The following RC3H1 variants were observed in gnomAD, a reference collection of about 807,000 sequenced individuals.
RC3H1 encodes the protein roquin-1.
In RC3H1, 50 loss-of-function variants were observed where a neutral mutation model predicts 138.2. The ratio of observed to expected loss-of-function variants is 0.36; its 90% CI spans 0.29 to 0.46. RC3H1 has a LOEUF of 0.46. Ranked by LOEUF, RC3H1 falls within the 20% of genes least tolerant of loss-of-function variation. The pLI, the probability that RC3H1 is intolerant of heterozygous loss-of-function variation, is 1.00. For missense variants in RC3H1, 1,031 were observed against 1,388.1 expected (o/e 0.74, Z 4.09); for synonymous variants, 462 against 489.1 (o/e 0.94, Z 0.73).
At chr1:173,996,763 C>T (rs934135761) in intron 1 of RC3H1, among the ~76,000 whole-genome samples, 5 of 152,168 alleles carry the variant, frequency 3.3e-5, no homozygotes, top group Non-Finnish European at 7.3e-5. Context: ...TCCATCGCCC[C>T]ATAAAACCCT....
Position 173,946,562 on chromosome 1 carries a change from G to A in RC3H1, c.2875C>T (p.Pro959Ser). The A allele has an allele frequency of 6.2e-7, 1 of 1,614,042 alleles. No individual in the cohort carries two copies. The highest frequency in any genetic ancestry group is 8.5e-7 in the Non-Finnish European group (1 of 1,179,902). ...CGTAGCTGTTCTCTCTCAGCAGATG[G>A]AAGGGGTTTTCCATGACTGGCCACT... ...SEVASHGKPL[P>S]SAEREQLRLE... Residue 959 changes from proline to serine, a missense_variant, in exon 17 of 20, where the codon CCA becomes TCA. By Grantham distance (74) the Pro-to-Ser change is moderately conservative (BLOSUM62 -1). Around this residue, in one of 7 missense-constraint regions of RC3H1, gnomAD observed 716 missense variants for 837.9 expected, o/e 0.85. Transcript: ENST00000367696.
rs1411433923 is a variant in RC3H1 at position 173,934,161 on chromosome 1, TGTAA to T, written c.*4556_*4559del. On this transcript the variant is annotated 3_prime_UTR_variant, in exon 20 of 20. Coordinates refer to ENST00000367696, the MANE Select transcript of RC3H1 (RefSeq NM_172071.4). The stretch of plus-strand genomic sequence containing the variant: ...AGACTGCTACCCACCACCATTTGTA[TGTAA>T]GTGACAGCAACTGAATACTTCTTTA... 1 of 152,196 alleles carries T rather than the reference TGTAA, an allele frequency of 6.6e-6. No homozygotes were observed. Among genetic ancestry groups the T allele is most frequent in the Non-Finnish European group, 1.5e-5 (1 of 68,022 alleles). The allele number at this position is 152,196 out of a possible 1,614,324, so 9.4% of individuals were successfully genotyped here. A position where few individuals can be genotyped will look rare whatever the true frequency, so the allele number is the denominator to read the frequency against.
In RC3H1 at chr1:173,975,624, C is replaced by T. The variant is rs758095280; in HGVS notation, c.1102+2864G>A. On this transcript the variant is annotated intron_variant, in intron 7 of 19. Transcript: ENST00000367696. ...TAAAAATACAGTAAATTTGGCCGGG[C>T]GCGGTGGCTCACGCCTGTAATCCCA... Among the ~76,000 whole-genome samples, 86 of 61,278 alleles carry T rather than the reference C, an allele frequency of 1.4e-3. 12 individuals are homozygous for T. Among genetic ancestry groups the T allele is most frequent in the African/African-American group, 2.7e-3 (5 of 1,876 alleles). 40.2% of individuals were successfully genotyped at this position (61,278 alleles called of 152,430 possible). A position where few individuals can be genotyped will look rare whatever the true frequency, so the allele number is the denominator to read the frequency against.
chr1:173,992,668 C>CAA (rs1661337512), intron 2 of RC3H1, 87 bp downstream of exon 2: 2 of 901,244 alleles, frequency 2.2e-6, no homozygotes, highest in Non-Finnish European at 3.3e-6. Context: ...AAAACACGCA[C>CAA]AACACACACA....
chr1:174,007,888 G>A (rs182316314), intron 1 of RC3H1, among the ~76,000 whole-genome samples: 3 of 152,296 alleles, frequency 2.0e-5, no homozygotes, highest in East Asian at 3.9e-4. Context: ...GAGCAATGAT[G>A]ACTTGTAGAT....
At chr1:174,016,427 T>C (rs1370750942) in intron 1 of RC3H1, among the ~76,000 whole-genome samples, 1 of 147,334 alleles carries the variant, frequency 6.8e-6, no homozygotes, top group Non-Finnish European at 1.5e-5. Context: ...GTTTCCTTTT[T>C]TTTTTTTTTT....
intron 1 of RC3H1, among the ~76,000 whole-genome samples, chr1:174,005,748 A>G (rs1195868889): frequency 2.0e-5 from 3 of 152,126 alleles, no homozygotes; most frequent in Non-Finnish European, 4.4e-5. Context: ...CTTAATTTAA[A>G]CCTATCTAAA....
intron 2 of RC3H1, among the ~76,000 whole-genome samples, chr1:173,985,288 T>C (rs559466851): frequency 2.0e-5 from 3 of 152,332 alleles, no homozygotes; most frequent in Non-Finnish European, 4.4e-5. Context: ...AGTTTTTGTG[T>C]AGACAAAAGT....
intron 12 of RC3H1, 68 bp from the exon 13 acceptor site, chr1:173,961,312 C>T: frequency 8.6e-6 from 12 of 1,390,874 alleles, no homozygotes; most frequent in Non-Finnish European, 1.1e-5. Flanking sequence ...TTAATATACT[C>T]AGCGTATATT....
chr1:173,964,576 A>AG (rs1166910344), intron 10 of RC3H1, among the ~76,000 whole-genome samples: 2 of 152,050 alleles, frequency 1.3e-5, no homozygotes, highest in Non-Finnish European at 2.9e-5. Context: ...CATGTTGGCC[A>AG]GGCTGGTCTC....
intron 11 of RC3H1, 80 bp downstream of exon 11, chr1:173,963,893 G>A (rs1019431396): frequency 1.8e-6 from 2 of 1,141,686 alleles, no homozygotes; most frequent in African/African-American, 1.5e-5. Flanking sequence ...AGAGGCTACT[G>A]TGTAAATGAT....
intron 1 of RC3H1, among the ~76,000 whole-genome samples, chr1:174,007,282 C>G (rs1236429730): frequency 6.6e-6 from 1 of 151,236 alleles, no homozygotes; most frequent in East Asian, 1.9e-4. Flanking sequence ...CCCAGCTACT[C>G]GGGAGGCTGA....
chr1:173,987,806 A>G (rs1255486265), intron 2 of RC3H1, among the ~76,000 whole-genome samples: 1 of 152,162 alleles, frequency 6.6e-6, no homozygotes, highest in Non-Finnish European at 1.5e-5. Context: ...ATCTGTATCC[A>G]TATCAAGCTA....
At chr1:173,989,948 G>A (rs1200677397) in intron 2 of RC3H1, among the ~76,000 whole-genome samples, 1 of 149,506 alleles carries the variant, frequency 6.7e-6, no homozygotes, top group African/African-American at 2.5e-5. Flanking sequence ...GGATGGTCTC[G>A]ATCTCCTGAC....
intron 1 of RC3H1, among the ~76,000 whole-genome samples, chr1:174,004,039 TTATATA>T (rs948352565): frequency 6.8e-6 from 1 of 147,914 alleles, no homozygotes; most frequent in Non-Finnish European, 1.5e-5. Context: ...TAAAATTATT[TTATATA>T]TATGATATAT....
At chr1:173,957,063 A>AGCTGTAATC (rs1328685241) in intron 13 of RC3H1, among the ~76,000 whole-genome samples, 1 of 151,990 alleles carries the variant, frequency 6.6e-6, no homozygotes, top group Non-Finnish European at 1.5e-5. Flanking sequence ...ACAGGCGCCC[A>AGCTGTAATC]CCATCATGCC....
chr1:174,022,337 G>A lies in RC3H1; in HGVS notation c.-392C>T, dbSNP rs1289248230. On this transcript the variant is annotated 5_prime_UTR_variant, in exon 1 of 20. Transcript: ENST00000367696. This position sits in a 1 kb window ranked among gnomAD's most constrained non-coding sequence, Gnocchi z 4.2. ...CTCCTCTTCCTCCTCCTCGTCCTCCGCCGCCCAGTCGCTCGTTGTCCTCGT... is the reference window on the plus strand; with the variant it reads ...CTCCTCTTCCTCCTCCTCGTCCTCCACCGCCCAGTCGCTCGTTGTCCTCGT... The A allele has an allele frequency of 7.9e-6, 3 of 379,556 alleles. No individual in the cohort carries two copies. The highest frequency in any genetic ancestry group is 2.1e-5 in the African/African-American group (1 of 47,788). The allele number at this position is 379,556 out of a possible 1,614,324, so 23.5% of individuals were successfully genotyped here.
intron 3 of RC3H1, among the ~76,000 whole-genome samples, chr1:173,983,876 A>G (rs558518370): frequency 1.6e-4 from 24 of 152,216 alleles, no homozygotes; most frequent in South Asian, 1.4e-3. Context: ...TGCACTTAGC[A>G]TTCATTATGA....
At chr1:173,998,632 A>G (rs898547573) in intron 1 of RC3H1, among the ~76,000 whole-genome samples, 3 of 152,242 alleles carry the variant, frequency 2.0e-5, no homozygotes, top group African/African-American at 7.2e-5. Flanking sequence ...GCTACAGTAC[A>G]GAATATCACA....
Sources: gnomAD v4.1 joint callset for allele counts (sites outside exome capture counted in the v4.1 genomes callset) on GRCh38, gnomAD v4.1.1 for gene constraint, gnomAD v4.1.1 regional missense constraint, Gnocchi (gnomAD v3.1) non-coding constraint, MANE v1.5 for transcripts, NCBI Gene and HGNC (gene_info 2026-07-23, HGNC 2026-07-21) for gene names.